The following ADK variants were observed in gnomAD, a reference collection of about 807,000 sequenced individuals.
ADK encodes N6,N6-dimethyladenosine kinase.
Under a neutral mutation model 44.7 loss-of-function variants are expected in ADK, and 24 were observed. That is an observed-to-expected ratio of 0.54 (90% CI 0.39 to 0.76). ADK has a LOEUF of 0.76. Ranked by LOEUF, ADK falls within the 30% of genes least tolerant of loss-of-function variation. ADK has a pLI of 0.00. For missense variants in ADK, 321 were observed against 425.1 expected (o/e 0.76, Z 2.15); for synonymous variants, 128 against 142.6 (o/e 0.90, Z 0.73).
chr10:74,270,515 G>A (rs1207732390), intron 3 of ADK, among the ~76,000 whole-genome samples: 5 of 152,054 alleles, frequency 3.3e-5, no homozygotes, highest in Non-Finnish European at 5.9e-5. Context: ...GTTCCACCTC[G>A]GCCTCCCAAA....
intron 1 of ADK, among the ~76,000 whole-genome samples, chr10:74,159,386 CTA>C (rs1165554830): frequency 6.6e-6 from 1 of 152,182 alleles, no homozygotes; most frequent in Non-Finnish European, 1.5e-5. Context: ...TGCTATTTTA[CTA>C]TGTTACCTGC....
At chr10:74,458,305 T>G (rs1249688627) in intron 6 of ADK, among the ~76,000 whole-genome samples, 4 of 147,492 alleles carry the variant, frequency 2.7e-5, no homozygotes, top group Admixed American at 1.3e-4. Flanking sequence ...TTTTGTTTTT[T>G]TTTTTTTTTT....
At chr10:74,569,604 G>T (rs951140352) in intron 7 of ADK, among the ~76,000 whole-genome samples, 6 of 152,038 alleles carry the variant, frequency 3.9e-5, no homozygotes, top group Non-Finnish European at 7.3e-5. Flanking sequence ...CATATCCTTC[G>T]CCCACTTTTT....
chr10:74,680,628 C>T (rs1855570394), intron 10 of ADK, among the ~76,000 whole-genome samples: 1 of 152,060 alleles, frequency 6.6e-6, no homozygotes, highest in Non-Finnish European at 1.5e-5. Flanking sequence ...CCTAGCCAAC[C>T]TTAGTACCTA....
intron 3 of ADK, among the ~76,000 whole-genome samples, chr10:74,300,230 C>G (rs975764193): frequency 2.5e-5 from 2 of 80,002 alleles, no homozygotes; most frequent in Non-Finnish European, 6.5e-5. Context: ...TTGTTTGTTT[C>G]TTTCTTTCTC....
chr10:74,687,298 GTGTCTGCGTC>G (rs201475426), intron 10 of ADK, among the ~76,000 whole-genome samples: 2,535 of 152,228 alleles, frequency 0.017, 40 homozygotes, highest in Non-Finnish European at 0.03. Flanking sequence ...GCTGCATTAC[GTGTCTGCGTC>G]TTACTGTCTC....
chr10:74,367,032 A>G (rs563265367), intron 4 of ADK, among the ~76,000 whole-genome samples: 3 of 152,354 alleles, frequency 2.0e-5, no homozygotes, highest in African/African-American at 7.2e-5. Context: ...GCTCTAAATT[A>G]GTTTATGTCT....
chr10:74,387,904 T>G (rs940024757), intron 4 of ADK, among the ~76,000 whole-genome samples: 1 of 152,016 alleles, frequency 6.6e-6, no homozygotes, highest in Non-Finnish European at 1.5e-5. Flanking sequence ...TTATTTCTTT[T>G]TTTTCTTTTT....
In ADK at chr10:74,232,777, C is replaced by G. The variant is rs545748666; in HGVS notation, c.194+8186C>G. ...AGTAGCTGGGACTATAGGCGCACGC[C>G]GCCACACCCGGCTGATTTTTCTATT... On this transcript the variant is annotated intron_variant, in intron 3 of 10. Transcript: ENST00000539909. Among the ~76,000 whole-genome samples, 22 of 152,164 alleles carry G rather than the reference C, an allele frequency of 1.4e-4. No homozygotes were observed. The East Asian group carries it at 4.3e-3, about 29-fold the overall frequency.
At chr10:74,536,774 A>C (rs1004906444) in intron 7 of ADK, among the ~76,000 whole-genome samples, 8 of 152,144 alleles carry the variant, frequency 5.3e-5, no homozygotes, top group African/African-American at 1.9e-4. Flanking sequence ...TGTCTGACTT[A>C]ATTTCACTTA....
intron 6 of ADK, among the ~76,000 whole-genome samples, chr10:74,444,843 G>A (rs1592224132): frequency 6.6e-6 from 1 of 151,340 alleles, no homozygotes; most frequent in African/African-American, 2.4e-5. Context: ...TTGTCTGACT[G>A]CTTTATTTCC....
At chr10:74,585,010 C>A (rs963796511) in intron 7 of ADK, among the ~76,000 whole-genome samples, 1 of 152,168 alleles carries the variant, frequency 6.6e-6, no homozygotes, top group African/African-American at 2.4e-5. Flanking sequence ...CCATAGTTGT[C>A]TTTCATATAC....
At chr10:74,236,137 A>G (rs1257522055) in intron 3 of ADK, among the ~76,000 whole-genome samples, 2 of 152,246 alleles carry the variant, frequency 1.3e-5, no homozygotes, top group Admixed American at 1.3e-4. Context: ...AAGTTGTATA[A>G]TTAGCTCTTC....
At chr10:74,588,505 A>G (rs1589275331) in intron 7 of ADK, among the ~76,000 whole-genome samples, 3 of 152,180 alleles carry the variant, frequency 2.0e-5, no homozygotes, top group South Asian at 4.1e-4. Flanking sequence ...TTGTTCCCCT[A>G]TCCTCTGTAT....
At chr10:74,384,161 A>G (rs1843065411) in intron 4 of ADK, among the ~76,000 whole-genome samples, 1 of 152,148 alleles carries the variant, frequency 6.6e-6, no homozygotes, top group African/African-American at 2.4e-5. Context: ...GTACCCTTAA[A>G]TTGTAAGTTT....
At chr10:74,650,771 G>A (rs1252762516) in intron 9 of ADK, among the ~76,000 whole-genome samples, 1 of 152,152 alleles carries the variant, frequency 6.6e-6, no homozygotes, top group Non-Finnish European at 1.5e-5. Context: ...TGGTGTCTGG[G>A]TCATCTGAGG....
intron 6 of ADK, among the ~76,000 whole-genome samples, chr10:74,494,986 CT>C (rs1325884023): frequency 6.6e-6 from 1 of 152,130 alleles, no homozygotes; most frequent in Non-Finnish European, 1.5e-5. Flanking sequence ...AATTTATTTT[CT>C]TTAGACTCTT....
At chr10:74,632,305 C>CATACATGGCAATAA (rs1427047653) in intron 9 of ADK, among the ~76,000 whole-genome samples, 1 of 152,180 alleles carries the variant, frequency 6.6e-6, no homozygotes, top group Admixed American at 6.5e-5. Flanking sequence ...TTTTTATTGC[C>CATACATGGCAATAA]ATGTAACATT....
chr10:74,664,581 G>A (rs1239936224), intron 9 of ADK, among the ~76,000 whole-genome samples: 3 of 152,088 alleles, frequency 2.0e-5, no homozygotes, highest in South Asian at 2.1e-4. Context: ...GGTGCCTCAC[G>A]CCTGTAATCC....
Sources: gnomAD v4.1 joint callset for allele counts (sites outside exome capture counted in the v4.1 genomes callset) on GRCh38, gnomAD v4.1.1 for gene constraint, MANE v1.5 for transcripts, NCBI Gene and HGNC (gene_info 2026-07-23, HGNC 2026-07-21) for gene names.